The following INPP1 variants were observed in gnomAD, a reference collection of about 807,000 sequenced individuals.
The protein encoded by INPP1 is inositol polyphosphate 1-phosphatase.
In INPP1, 18 loss-of-function variants were observed where a neutral mutation model predicts 23.0. That is an observed-to-expected ratio of 0.78 (90% confidence interval 0.54 to 1.16). The LOEUF (loss-of-function observed/expected upper bound fraction) is 1.16, where lower values mean the gene tolerates loss of function less well. Among genes scored for constraint, INPP1 ranks in the 50% most tolerant of loss-of-function variants. INPP1 has a pLI of 0.00. For synonymous variants in INPP1, 164 were observed against 176.3 expected, an observed-to-expected ratio of 0.93 and a Z score of 0.55; for missense variants, 448 against 482.1, an observed-to-expected ratio of 0.93 and a Z score of 0.66.
Position 190,348,997 on chromosome 2 carries a change from T to C in INPP1, c.-99T>C, listed in dbSNP as rs553477224. On this transcript the variant is annotated 5_prime_UTR_variant, in exon 2 of 7. Coordinates refer to ENST00000392329, the MANE Select transcript of INPP1 (RefSeq NM_001128928.2). ...GCAAGGCTCTTTCTACCGCACACCC[T>C]GCAGGCCCATCCAGGCCCATCCAGA... The C allele has an allele frequency of 6.6e-6, 1 of 152,404 alleles. No individual in the cohort carries two copies. The highest frequency in any genetic ancestry group is 2.4e-5 in the African/African-American group (1 of 41,572). 9.4% of individuals were successfully genotyped at this position (152,404 alleles called of 1,614,324 possible).
rs1239443312 is a variant in INPP1, at chr2:190,354,996, T to A, written c.-64-5043T>A. ...ATGTACCTTATAATACTAATGTACT[T>A]ATGATTATTATCCAACAATTACTGA... On this transcript the variant is annotated intron_variant, in intron 2 of 6. Transcript: ENST00000392329. The surrounding 1 kb of genome is among the most constrained non-coding windows in gnomAD (Gnocchi z 4.8). 6.6e-6 allele frequency among the ~76,000 whole-genome samples: 1 copy of A among 151,460 alleles called. No individual in the cohort carries two copies. The highest frequency in any genetic ancestry group is 1.5e-5 in the Non-Finnish European group (1 of 67,920).
chr2:190,358,623 C>T (rs1270150718), intron 2 of INPP1, among the ~76,000 whole-genome samples: 1 of 152,140 alleles, frequency 6.6e-6, no homozygotes, highest in Non-Finnish European at 1.5e-5. Flanking sequence ...CTTCTGTAAC[C>T]CTGAAGAAGT....
At chr2:190,344,838 T>TA (rs1689184254) in intron 1 of INPP1, among the ~76,000 whole-genome samples, 1 of 152,248 alleles carries the variant, frequency 6.6e-6, no homozygotes, top group Non-Finnish European at 1.5e-5. Context: ...GGGTTAAAAG[T>TA]ATGGACAGAC....
At chr2:190,369,331 C>CT in intron 6 of INPP1, 54 bp downstream of exon 6, 10 of 992,624 alleles carry the variant, frequency 1.0e-5, no homozygotes, top group Non-Finnish European at 1.5e-5. Flanking sequence ...ACGACCTCAG[C>CT]TTTGCTTGTT....
chr2:190,354,479 G>A lies in INPP1; in HGVS notation c.-65+5448G>A, dbSNP rs1050552477. On this transcript the variant is annotated intron_variant, in intron 2 of 6. Coordinates refer to ENST00000392329, the MANE Select transcript of INPP1 (RefSeq NM_001128928.2). This position sits in a 1 kb window ranked among gnomAD's most constrained non-coding sequence, Gnocchi z 4.8. ...AAAGTTTATGTGAGGTCATACAGGC[G>A]GATCCTTATCCAGTCTGACTGGCGT... 6.6e-5 allele frequency among the ~76,000 whole-genome samples: 10 copies of A among 152,264 alleles called. No homozygotes were observed. The highest frequency in any genetic ancestry group is 9.6e-5 in the African/African-American group (4 of 41,536).
At chr2:190,362,077 A>C (rs902745969) in intron 3 of INPP1, among the ~76,000 whole-genome samples, 1 of 152,196 alleles carries the variant, frequency 6.6e-6, no homozygotes, top group African/African-American at 2.4e-5. Flanking sequence ...TTATTGGCCA[A>C]TAAAATCTTT....
chr2:190,359,026 G>A (rs939841708), intron 2 of INPP1, among the ~76,000 whole-genome samples: 2 of 152,078 alleles, frequency 1.3e-5, no homozygotes, highest in African/African-American at 4.8e-5. Flanking sequence ...GAGGCTGGGC[G>A]CAGTGGCTCA....
chr2:190,365,867 CTCTCTTGCTCTGTCTCTCTCTGTG>C (rs1428184437), intron 4 of INPP1, among the ~76,000 whole-genome samples: 1 of 21,732 alleles, frequency 4.6e-5, no homozygotes, highest in Non-Finnish European at 7.8e-5. Context: ...CGCTCTCTGT[CTCTCTTGCTCTGTCTCTCTCTGTG>C]TCTCTTGCTC....
At chr2:190,360,411 C>A (rs1689513607) in intron 3 of INPP1, 105 bp downstream of exon 3, 4 of 835,038 alleles carry the variant, frequency 4.8e-6, no homozygotes, top group Non-Finnish European at 7.4e-6. Flanking sequence ...AGTATACTAG[C>A]ACCTTGATTT....
rs993767497 is a variant in INPP1 at position 190,368,123 on chromosome 2, T to C, written c.467-980T>C. On this transcript the variant is annotated intron_variant, in intron 5 of 6. Coordinates refer to ENST00000392329, the MANE Select transcript of INPP1 (RefSeq NM_001128928.2). This position sits in a 1 kb window ranked among gnomAD's most constrained non-coding sequence, Gnocchi z 4.3. The stretch of plus-strand genomic sequence containing the variant: ...TAAAAACCTTTCCCCAAATCTTTGA[T>C]CATTTAAGGGTAAATTGGCATCAGT... 1.1e-4 allele frequency among the ~76,000 whole-genome samples: 17 copies of C among 152,240 alleles called. No homozygotes were observed. Among genetic ancestry groups the C allele is most frequent in the African/African-American group, 3.9e-4 (16 of 41,474 alleles).
chr2:190,366,527 CTCTG>C (rs1004799039), intron 4 of INPP1, among the ~76,000 whole-genome samples, 164 bp from the exon 5 acceptor site: 34 of 150,814 alleles, frequency 2.3e-4, no homozygotes, highest in African/African-American at 6.8e-4. Context: ...CACTCTCTTG[CTCTG>C]TCTCTCTCGC....
At position 190,369,167 on chromosome 2, in the gene INPP1, T is replaced by C. The variant is rs1385978302; in HGVS notation, c.531T>C (p.Cys177=). Reference sequence around the variant, plus strand: ...AATCCAACCAGGGAATCTTCCCCTGTGGACTTCAGTGTGTCACCATTTTAA... The same window carrying C: ...AATCCAACCAGGGAATCTTCCCCTGCGGACTTCAGTGTGTCACCATTTTAA... ...DIKSNQGIFP[C]GLQCVTILIG... The change falls in exon 6 of 7, where the codon TGT becomes TGC. Residue 177 remains cysteine, a synonymous_variant. Transcript: ENST00000392329. 1 of 1,609,334 alleles carries C rather than the reference T, an allele frequency of 6.2e-7. No individual in the cohort carries two copies. Among genetic ancestry groups the C allele is most frequent in the Non-Finnish European group, 8.5e-7 (1 of 1,176,158 alleles).
Position 190,354,870 on chromosome 2 carries a change from G to C in INPP1, c.-64-5169G>C, listed in dbSNP as rs1689389871. On this transcript the variant is annotated intron_variant, in intron 2 of 6. Transcript: ENST00000392329. This position sits in a 1 kb window ranked among gnomAD's most constrained non-coding sequence, Gnocchi z 4.8. Reference sequence around the variant, plus strand: ...AGAAAAGGTTTTTCTGAGAGTAAAAGGGAAGTCAAATAGTGACGTATAATG... The same window carrying C: ...AGAAAAGGTTTTTCTGAGAGTAAAACGGAAGTCAAATAGTGACGTATAATG... 6.6e-6 allele frequency among the ~76,000 whole-genome samples: 1 copy of C among 151,690 alleles called. No individual in the cohort carries two copies. The highest frequency in any genetic ancestry group is 2.4e-5 in the African/African-American group (1 of 41,184).
chr2:190,351,352 A>G (rs1689320246), intron 2 of INPP1, among the ~76,000 whole-genome samples: 3 of 152,250 alleles, frequency 2.0e-5, no homozygotes, highest in Non-Finnish European at 4.4e-5. Context: ...TGAATTAGAA[A>G]TATACACATA....
In INPP1 at chr2:190,355,026, C is replaced by G. The variant is rs755519298; in HGVS notation, c.-64-5013C>G. ...TTATTATCCAACAATTACTGATTTT[C>G]CCTTATTTTAATAGTTAACAATTGA... On this transcript the variant is annotated intron_variant, in intron 2 of 6. Coordinates refer to ENST00000392329, the MANE Select transcript of INPP1 (RefSeq NM_001128928.2). The surrounding 1 kb of genome is among the most constrained non-coding windows in gnomAD (Gnocchi z 5.1). Among the ~76,000 whole-genome samples the G allele has an allele frequency of 1.7e-4, 26 of 149,424 alleles. No individual in the cohort carries two copies. Among genetic ancestry groups the G allele is most frequent in the Non-Finnish European group, 3.1e-4 (21 of 67,640 alleles).
chr2:190,370,353 T>G (rs541745116), intron 6 of INPP1, among the ~76,000 whole-genome samples: 96 of 152,330 alleles, frequency 6.3e-4, no homozygotes, highest in Non-Finnish European at 1.3e-3. Context: ...TTGCCAAAAC[T>G]AATAACATTG....
chr2:190,356,677 C>T lies in INPP1; in HGVS notation c.-64-3362C>T, dbSNP rs1229369175. The T allele has an allele frequency of 6.6e-6, 1 of 152,094 alleles. No homozygotes were observed. 9.4% of individuals were successfully genotyped at this position (152,094 alleles called of 1,614,324 possible). A position where few individuals can be genotyped will look rare whatever the true frequency, so the allele number is the denominator to read the frequency against. On this transcript the variant is annotated intron_variant, in intron 2 of 6. Coordinates refer to ENST00000392329, the MANE Select transcript of INPP1 (RefSeq NM_001128928.2). This position sits in a 1 kb window ranked among gnomAD's most constrained non-coding sequence, Gnocchi z 6.4. ...TAAGGAGTGTTTCTTGGTTATTCAA[C>T]AGTGTAGTTAGTATCGTTTCTTTTA...
In INPP1 at chr2:190,370,895, T is replaced by G. The variant is rs1689788128; in HGVS notation, c.693T>G (p.His231Gln). 3 of 1,614,138 alleles carry G rather than the reference T, an allele frequency of 1.9e-6. No homozygotes were observed. Among genetic ancestry groups the G allele is most frequent in the Non-Finnish European group, 2.5e-6 (3 of 1,180,004 alleles). ...WGLSYMGTNM[H>Q]SLQLTISRRN... ...TTTCTTACATGGGGACCAACATGCA[T>G]TCACTACAGCTCACCATCTCTAGAA... The change falls in exon 7 of 7, where the codon CAT becomes CAG. Residue 231 changes from histidine (H) to glutamine (Q), a missense_variant. Physicochemically the swap from His to Gln is conservative, Grantham distance 24 (BLOSUM62 0). Coordinates refer to ENST00000392329, the MANE Select transcript of INPP1 (RefSeq NM_001128928.2).
rs1275024297 is a variant in INPP1, at chr2:190,367,236, C to T, written c.466+341C>T. On this transcript the variant is annotated intron_variant, in intron 5 of 6. Coordinates refer to ENST00000392329, the MANE Select transcript of INPP1 (RefSeq NM_001128928.2). The surrounding 1 kb of genome is among the most constrained non-coding windows in gnomAD (Gnocchi z 4.1). ...AGTAAATGAGAGAATGAAGTGAGAG[C>T]AGTTATGACCAATTGAGCACACATA... is the stretch of plus-strand genomic sequence containing the variant. Among the ~76,000 whole-genome samples, 1 of 152,124 alleles carries T rather than the reference C, an allele frequency of 6.6e-6. No homozygotes were observed. The highest frequency in any genetic ancestry group is 1.5e-5 in the Non-Finnish European group (1 of 68,030).
Sources: gnomAD v4.1 joint callset for allele counts (sites outside exome capture counted in the v4.1 genomes callset) on GRCh38, gnomAD v4.1.1 for gene constraint, Gnocchi (gnomAD v3.1) non-coding constraint, MANE v1.5 for transcripts, NCBI Gene and HGNC (gene_info 2026-07-23, HGNC 2026-07-21) for gene names.